The following CDK15 variants were observed in gnomAD, a reference collection of about 807,000 sequenced individuals.
CDK15 encodes cyclin-dependent kinase 15.
In CDK15, 62 loss-of-function variants were observed where a neutral mutation model predicts 60.3. That is an observed-to-expected ratio of 1.03 (90% CI 0.84 to 1.27). The LOEUF is 1.27. Ranked by LOEUF, CDK15 falls within the 50% of genes most tolerant of loss-of-function variation. The pLI is 0.00. For synonymous variants in CDK15, 194 were observed against 195.7 expected, an observed-to-expected ratio of 0.99 and a Z score of 0.07; for missense variants, 541 against 527.8, an observed-to-expected ratio of 1.03 and a Z score of -0.25.
rs558195315 is a variant in CDK15 at position 201,878,259 on chromosome 2, A to G, written c.1059-1769A>G. On this transcript the variant is annotated intron_variant, in intron 11 of 13. Transcript: ENST00000652192. ...AAAGCCTTTCAAGCATTGTAAGTAA[A>G]TGGGAAACATGAAGACCCACAAGCC... Among the ~76,000 whole-genome samples the G allele has an allele frequency of 7.2e-5, 11 of 152,306 alleles. No individual in the cohort carries two copies. In the South Asian group the frequency reaches 1.0e-3, roughly 14 times the overall value.
At chr2:201,890,745 G>A in intron 12 of CDK15, 40 bp from the exon 13 acceptor site, 1 of 1,473,196 alleles carries the variant, frequency 6.8e-7, no homozygotes, top group South Asian at 1.2e-5. Context: ...AAGATCCCAG[G>A]AAATAACATA....
At chr2:201,861,728 T>G (rs1698407992) in intron 10 of CDK15, among the ~76,000 whole-genome samples, 1 of 151,978 alleles carries the variant, frequency 6.6e-6, no homozygotes, top group Admixed American at 6.5e-5. Flanking sequence ...ACCCAGCTAA[T>G]TTTTGTATTT....
chr2:201,861,290 C>G, intron 10 of CDK15: 4 of 994,406 alleles, frequency 4.0e-6, no homozygotes, highest in Non-Finnish European at 4.8e-6. Flanking sequence ...CTGCCAAGAT[C>G]GATGCTGGGT....
chr2:201,811,062 C>T (rs1478080723), intron 3 of CDK15, among the ~76,000 whole-genome samples: 1 of 151,404 alleles, frequency 6.6e-6, no homozygotes, highest in Non-Finnish European at 1.5e-5. Context: ...AGGCTGGTCT[C>T]AAACTCCCGA....
chr2:201,866,316 A>G (rs2105807872), intron 10 of CDK15, among the ~76,000 whole-genome samples: 1 of 152,260 alleles, frequency 6.6e-6, no homozygotes, highest in South Asian at 2.1e-4. Context: ...TGGTGCAGTG[A>G]TGTTTTACTA....
rs370382391 is a variant in CDK15, at chr2:201,872,301, C to G, written c.1033C>G (p.Arg345Gly). Residue 345 changes from arginine to glycine, a missense_variant, in exon 11 of 14, where the codon CGA becomes GGA. Arg to Gly is a moderately radical substitution (Grantham distance 125, BLOSUM62 -2). Coordinates refer to ENST00000652192, the MANE Select transcript of CDK15 (RefSeq NM_001366386.2). ...AGAATGGTTCCCACTGCCTACGCCT[C>G]GAAGCCTTCATGTTGTCTGGAACAG... is the stretch of plus-strand genomic sequence containing the variant. ...NPEWFPLPTP[R>G]SLHVVWNRLG... is the part of the protein sequence containing the mutation. 1.2e-6 allele frequency: 2 copies of G among 1,614,038 alleles called. No homozygotes were observed. The highest frequency in any genetic ancestry group is 1.7e-5 in the Admixed American group (1 of 60,016).
At chr2:201,816,964 A>T (rs73055668) in intron 4 of CDK15, among the ~76,000 whole-genome samples, 2,942 of 152,328 alleles carry the variant, frequency 0.019, 61 homozygotes, top group African/African-American at 0.047. Context: ...AAAAGTGGGT[A>T]TAAATATAAC....
chr2:201,841,337 A>T (rs1407890740), intron 8 of CDK15, among the ~76,000 whole-genome samples: 1 of 152,200 alleles, frequency 6.6e-6, no homozygotes, highest in Non-Finnish European at 1.5e-5. Context: ...TATTGTTATT[A>T]CTCTTATTCA....
At chr2:201,838,987 C>G (rs1018762192) in intron 8 of CDK15, among the ~76,000 whole-genome samples, 6 of 152,082 alleles carry the variant, frequency 3.9e-5, no homozygotes, top group Non-Finnish European at 8.8e-5. Context: ...GTCGCCCAGG[C>G]TGGAGTGCAG....
intron 10 of CDK15, among the ~76,000 whole-genome samples, chr2:201,869,898 G>A (rs573033176): frequency 6.6e-6 from 1 of 152,342 alleles, no homozygotes; most frequent in South Asian, 2.1e-4. Flanking sequence ...GTGGTTTGAA[G>A]AGAAACATAC....
chr2:201,862,733 G>A (rs189594162), intron 10 of CDK15, among the ~76,000 whole-genome samples: 2 of 152,288 alleles, frequency 1.3e-5, no homozygotes, highest in South Asian at 2.1e-4. Flanking sequence ...TAACCAGGAA[G>A]GGGGTGACCT....
rs374062107 is a variant in CDK15, at chr2:201,890,898, G to A, written c.*4G>A. The A allele has an allele frequency of 1.2e-6, 2 of 1,605,440 alleles. No homozygotes were observed. The highest frequency in any genetic ancestry group is 2.7e-5 in the African/African-American group (2 of 74,758). ...CCAGTTTAGCAAATGCTGGTGAAAA[G>A]AAAGGGCGAGATCACCAAGGTTCTT... On this transcript the variant is annotated 3_prime_UTR_variant, in exon 13 of 14. Coordinates refer to ENST00000652192, the MANE Select transcript of CDK15 (RefSeq NM_001366386.2).
At chr2:201,807,773 C>T (rs2106145371) in intron 2 of CDK15, 85 bp from the exon 3 acceptor site, 1 of 1,546,234 alleles carries the variant, frequency 6.5e-7, no homozygotes, top group South Asian at 1.2e-5. Context: ...TCTAATTTCC[C>T]TGGGGAAAAA....
intron 10 of CDK15, among the ~76,000 whole-genome samples, chr2:201,867,527 A>G (rs1358639281): frequency 6.6e-6 from 1 of 152,184 alleles, no homozygotes; most frequent in African/African-American, 2.4e-5. Flanking sequence ...CAGGAGGCTG[A>G]GGCAGGAGAA....
chr2:201,856,714 G>T (rs1009578894), intron 10 of CDK15, among the ~76,000 whole-genome samples: 15 of 152,140 alleles, frequency 9.9e-5, no homozygotes, highest in Non-Finnish European at 7.3e-5. Context: ...GCCAGCAGAA[G>T]TTTAGAGTCA....
At chr2:201,859,276 T>C (rs966486659) in intron 10 of CDK15, among the ~76,000 whole-genome samples, 2 of 152,154 alleles carry the variant, frequency 1.3e-5, no homozygotes, top group Non-Finnish European at 2.9e-5. Context: ...TTAGAGCAAA[T>C]TGAATGTTGG....
rs141005518 is a variant in CDK15 at position 201,857,927 on chromosome 2, A to T, written c.1009+2990A>T. 1.9e-3 allele frequency among the ~76,000 whole-genome samples: 289 copies of T among 152,298 alleles called. 1 individual carries two copies. Among genetic ancestry groups the T allele is most frequent in the African/African-American group, 6.6e-3 (274 of 41,562 alleles). On this transcript the variant is annotated intron_variant, in intron 10 of 13. Coordinates refer to ENST00000652192, the MANE Select transcript of CDK15 (RefSeq NM_001366386.2). ...AGCAGAAGACAAGCTGGGAGCCAGG[A>T]AAGTGTCACAGATGAGCACCGTGTC...
At chr2:201,870,870 C>G (rs1294496675) in intron 10 of CDK15, among the ~76,000 whole-genome samples, 2 of 152,190 alleles carry the variant, frequency 1.3e-5, no homozygotes, top group Middle Eastern at 3.2e-3. Flanking sequence ...CATCAGCTTG[C>G]CTCCCCTGCA....
chr2:201,868,636 T>G (rs1358620746), intron 10 of CDK15, among the ~76,000 whole-genome samples: 1 of 151,498 alleles, frequency 6.6e-6, no homozygotes, highest in Non-Finnish European at 1.5e-5. Flanking sequence ...AATCTACTCA[T>G]CTGACAAAGG....
Sources: allele counts gnomAD v4.1 joint callset (sites outside exome capture counted in the v4.1 genomes callset), GRCh38; gene constraint gnomAD v4.1.1; transcripts MANE v1.5; gene names NCBI Gene and HGNC (gene_info 2026-07-23, HGNC 2026-07-21).